The following ABL1 variants were observed in gnomAD, a reference collection of about 807,000 sequenced individuals.
ABL1 encodes the protein tyrosine-protein kinase ABL1.
ABL1 carries 11 observed loss-of-function variants against 94.7 expected under a neutral mutation model. That is an observed-to-expected ratio of 0.12 (90% confidence interval 0.07 to 0.19). ABL1 has a LOEUF of 0.19. ABL1 is among the 10% of genes least tolerant of loss of function. The pLI, the probability that ABL1 is intolerant of heterozygous loss-of-function variation, is 1.00. For missense variants in ABL1, 1,082 were observed against 1,489.4 expected (o/e 0.73, Z 4.50); for synonymous variants, 656 against 622.4 (o/e 1.05, Z -0.80).
intron 1 of ABL1, among the ~76,000 whole-genome samples, chr9:130,771,944 G>C (rs1832258583): frequency 6.6e-6 from 1 of 151,886 alleles, no homozygotes; most frequent in Non-Finnish European, 1.5e-5. Flanking sequence ...AGTAGAGATG[G>C]GGTTTCGCCA....
chr9:130,838,480 A>G (rs988760695), intron 1 of ABL1, among the ~76,000 whole-genome samples: 2 of 152,228 alleles, frequency 1.3e-5, no homozygotes, highest in Admixed American at 1.3e-4. Flanking sequence ...TTTAGTGAAA[A>G]GTAATTCCCT....
At chr9:130,778,574 T>C (rs991686943) in intron 1 of ABL1, among the ~76,000 whole-genome samples, 1 of 152,050 alleles carries the variant, frequency 6.6e-6, no homozygotes, top group Non-Finnish European at 1.5e-5. Flanking sequence ...CATCTTCATG[T>C]TTGGGGCTCT....
At chr9:130,764,164 A>G (rs1019522299) in intron 1 of ABL1, among the ~76,000 whole-genome samples, 3 of 152,148 alleles carry the variant, frequency 2.0e-5, no homozygotes, top group Non-Finnish European at 2.9e-5. Flanking sequence ...GGCCAGGGTC[A>G]GAGAGGCCAG....
chr9:130,783,758 C>T (rs1482902055), intron 1 of ABL1, among the ~76,000 whole-genome samples: 1 of 152,036 alleles, frequency 6.6e-6, no homozygotes, highest in African/African-American at 2.4e-5. Flanking sequence ...TGGGTTCAAG[C>T]GATTCTCCTG....
chr9:130,780,467 G>C (rs1194465006), intron 1 of ABL1, among the ~76,000 whole-genome samples: 1 of 152,196 alleles, frequency 6.6e-6, no homozygotes, highest in Non-Finnish European at 1.5e-5. Flanking sequence ...GGCTGATCTT[G>C]GAGCTGTCTG....
chr9:130,873,048 G>A lies in ABL1; in HGVS notation c.1085+11G>A, dbSNP rs548954575. On this transcript the variant is annotated intron_variant, in intron 6 of 10. Transcript: ENST00000318560. The stretch of plus-strand genomic sequence containing the variant: ...AAACTTCATCCACAGGTAGGGGCCT[G>A]GCCAGGCAGCCTGCGCCATGGAGTC... 3 of 1,610,534 alleles carry A rather than the reference G, an allele frequency of 1.9e-6. No individual in the cohort carries two copies. In the African/African-American group the frequency reaches 4.0e-5, roughly 21 times the overall value.
chr9:130,754,388 G>A (rs1358706986), intron 1 of ABL1, among the ~76,000 whole-genome samples: 2 of 148,380 alleles, frequency 1.3e-5, no homozygotes, highest in African/African-American at 2.5e-5. Context: ...GGCACCTGTA[G>A]TCCCAGCTAC....
Position 130,876,733 on chromosome 9 carries a change from C to CTTT in ABL1, c.1271-1661_1271-1659dup, listed in dbSNP as rs755840936. ...ACCATGCCCTGCCACAAGTTGGTTT[C>CTTT]TTTTTTTTTTTTTTTTTTTTTTTGA... On this transcript the variant is annotated intron_variant, in intron 7 of 10. Coordinates refer to ENST00000318560, the MANE Select transcript of ABL1 (RefSeq NM_005157.6). Among the ~76,000 whole-genome samples, 254 of 83,168 alleles carry CTTT rather than the reference C, an allele frequency of 3.1e-3. 2 individuals carry two copies. Among genetic ancestry groups the CTTT allele is most frequent in the Middle Eastern group, 0.011 (1 of 88 alleles). 54.6% of individuals were successfully genotyped at this position (83,168 alleles called of 152,430 possible).
At chr9:130,774,362 A>T (rs975045301) in intron 1 of ABL1, among the ~76,000 whole-genome samples, 1 of 152,130 alleles carries the variant, frequency 6.6e-6, no homozygotes. Flanking sequence ...GCTGTCGATG[A>T]CACTTGAGTC....
intron 1 of ABL1, among the ~76,000 whole-genome samples, chr9:130,779,283 G>T (rs17147232): frequency 0.032 from 4,811 of 152,160 alleles, 286 homozygotes; most frequent in African/African-American, 0.11. Context: ...ATGGTAGTTA[G>T]GGCAACGAAG....
At chr9:130,813,114 C>T (rs1830231746) in intron 1 of ABL1, among the ~76,000 whole-genome samples, 3 of 152,148 alleles carry the variant, frequency 2.0e-5, no homozygotes. Context: ...ACTCAGGAGG[C>T]TGAGGCAGGA....
In ABL1 at chr9:130,835,543, G is replaced by T; in HGVS notation, c.79+18G>T. 3 of 1,546,898 alleles carry T rather than the reference G, an allele frequency of 1.9e-6. No individual in the cohort carries two copies. Among genetic ancestry groups the T allele is most frequent in the Non-Finnish European group, 2.6e-6 (3 of 1,143,940 alleles). On this transcript the variant is annotated intron_variant, in intron 1 of 10. Transcript: ENST00000318560. The surrounding 1 kb of genome is among the most constrained non-coding windows in gnomAD (Gnocchi z 4.6). The stretch of plus-strand genomic sequence containing the variant: ...TCTGGAAGGTAAGCCCGGGCCGCAC[G>T]GGTTGGGCTGAGTAGCCGCGCGCCC...
intron 4 of ABL1, among the ~76,000 whole-genome samples, chr9:130,867,799 TG>T (rs2132983176): frequency 6.6e-6 from 1 of 152,278 alleles, no homozygotes; most frequent in East Asian, 1.9e-4. Context: ...TTCCTTGCAG[TG>T]GGTTCTCCTC....
In ABL1 at chr9:130,835,738, C is replaced by T. The variant is rs950366047; in HGVS notation, c.79+213C>T. On this transcript the variant is annotated intron_variant, in intron 1 of 10. Transcript: ENST00000318560. This position sits in a 1 kb window ranked among gnomAD's most constrained non-coding sequence, Gnocchi z 4.6. ...TCTGTGTCTGTCTCTTTTCTCTTCT[C>T]TTGTCTCTCTCTTTTTCTCTCTCTC... 1.5e-5 allele frequency among the ~76,000 whole-genome samples: 2 copies of T among 135,770 alleles called. No individual in the cohort carries two copies. The highest frequency in any genetic ancestry group is 7.7e-5 in the Admixed American group (1 of 13,008). 89.1% of individuals were successfully genotyped at this position (135,770 alleles called of 152,430 possible).
chr9:130,771,753 T>TTTC (rs373380195), intron 1 of ABL1, among the ~76,000 whole-genome samples: 675 of 50,680 alleles, frequency 0.013, 4 homozygotes, highest in African/African-American at 0.043. Context: ...TCTTTCTTTC[T>TTTC]TTTTTTTTTT....
chr9:130,787,386 T>A (rs2132799080), intron 1 of ABL1, among the ~76,000 whole-genome samples: 1 of 152,224 alleles, frequency 6.6e-6, no homozygotes, highest in Middle Eastern at 3.4e-3. Flanking sequence ...AGCTCCCGTG[T>A]GAGAGAGAAT....
rs771622397 is a variant in ABL1, at chr9:130,767,639, CAT to C, written c.136+53187_136+53188del. ...GGAGCCACTGTGCCCGGCCTGACCT[CAT>C]ATTTGAATACCGAGTTTTAGTTCTG... On this transcript the variant is annotated intron_variant, in intron 1 of 10. Transcript: ENST00000372348. Among the ~76,000 whole-genome samples, 176 of 152,262 alleles carry C rather than the reference CAT, an allele frequency of 1.2e-3. 1 individual carries two copies. The highest frequency in any genetic ancestry group is 2.3e-3 in the Non-Finnish European group (156 of 68,024).
intron 8 of ABL1, 152 bp from the exon 9 acceptor site, chr9:130,879,916 A>G (rs1831422916): frequency 1.4e-6 from 1 of 705,178 alleles, no homozygotes. Flanking sequence ...ATAACAGGAC[A>G]TGATGACATT....
intron 1 of ABL1, among the ~76,000 whole-genome samples, chr9:130,780,372 G>A (rs1829740722): frequency 6.6e-6 from 1 of 152,168 alleles, no homozygotes; most frequent in Non-Finnish European, 1.5e-5. Flanking sequence ...GTTTTAGGAA[G>A]AAGCCATACG....
Sources: gnomAD v4.1 joint callset for allele counts (sites outside exome capture counted in the v4.1 genomes callset) on GRCh38, gnomAD v4.1.1 for gene constraint, Gnocchi (gnomAD v3.1) non-coding constraint, MANE v1.5 for transcripts, NCBI Gene and HGNC (gene_info 2026-07-23, HGNC 2026-07-21) for gene names.